Variants in CNTNAP2 observed in about 807,000 individuals in gnomAD.
CNTNAP2 encodes contactin-associated protein-like 2.
CNTNAP2 carries 98 observed loss-of-function variants against 155.2 expected under a neutral mutation model. The observed-to-expected ratio is 0.63, with a 90% CI of 0.54 to 0.75. CNTNAP2 has a LOEUF of 0.75. Among genes scored for constraint, CNTNAP2 ranks in the 30% least tolerant of loss-of-function variants. CNTNAP2 has a pLI of 0.00. For synonymous variants in CNTNAP2, 651 were observed against 631.2 expected, an observed-to-expected ratio of 1.03 and a Z score of -0.47; for missense variants, 1,727 against 1,688.1, an observed-to-expected ratio of 1.02 and a Z score of -0.40.
chr7:147,482,026 T>C (rs1416471347), intron 10 of CNTNAP2, among the ~76,000 whole-genome samples: 1 of 152,186 alleles, frequency 6.6e-6, no homozygotes, highest in Non-Finnish European at 1.5e-5. Context: ...GGTGTAACAT[T>C]CTAGCATTGC....
At chr7:148,252,123 T>C (rs1273819064) in intron 20 of CNTNAP2, among the ~76,000 whole-genome samples, 1 of 152,248 alleles carries the variant, frequency 6.6e-6, no homozygotes, top group Admixed American at 6.5e-5. Context: ...AATTTGGGAA[T>C]TGAATGTCAG....
At chr7:148,210,793 GT>G (rs1795534602) in intron 18 of CNTNAP2, among the ~76,000 whole-genome samples, 1 of 152,210 alleles carries the variant, frequency 6.6e-6, no homozygotes, top group South Asian at 2.1e-4. Context: ...GTCCAATGTT[GT>G]TAGTCCAAAA....
At chr7:146,711,304 T>TAC (rs1801067294) in intron 1 of CNTNAP2, among the ~76,000 whole-genome samples, 2 of 142,090 alleles carry the variant, frequency 1.4e-5, no homozygotes, top group South Asian at 2.1e-4. Context: ...TACATATATG[T>TAC]ATATATTATA....
intron 1 of CNTNAP2, among the ~76,000 whole-genome samples, chr7:146,617,618 C>A (rs1376846334): frequency 6.6e-6 from 1 of 152,082 alleles, no homozygotes; most frequent in Non-Finnish European, 1.5e-5. Context: ...TATTTCACAT[C>A]TAAAAGAACC....
At chr7:147,899,927 ATCCATTG>A (rs11278861) in intron 13 of CNTNAP2, among the ~76,000 whole-genome samples, 45,814 of 151,456 alleles carry the variant, frequency 0.3, 7,043 homozygotes, top group Middle Eastern at 0.42. Context: ...AGAAAGAGTC[ATCCATTG>A]TCAGGGTCTT....
At chr7:147,791,918 G>A (rs77216609) in intron 13 of CNTNAP2, among the ~76,000 whole-genome samples, 6,756 of 152,272 alleles carry the variant, frequency 0.044, 193 homozygotes, top group Non-Finnish European at 0.058. Flanking sequence ...CCACTGCTCC[G>A]TGTTGCCTGC....
chr7:147,929,092 C>CAAA (rs66584239), intron 14 of CNTNAP2, among the ~76,000 whole-genome samples: 3,251 of 34,590 alleles, frequency 0.094, 303 homozygotes, highest in South Asian at 0.14. Flanking sequence ...AACTCCATCC[C>CAAA]AAAAAAAAAA....
chr7:146,724,869 T>G (rs1026425266), intron 1 of CNTNAP2, among the ~76,000 whole-genome samples: 8 of 152,090 alleles, frequency 5.3e-5, no homozygotes, highest in African/African-American at 1.9e-4. Flanking sequence ...ATGCCTGGCC[T>G]AAATCTAAAC....
intron 10 of CNTNAP2, among the ~76,000 whole-genome samples, chr7:147,443,297 C>T (rs1382447664): frequency 6.6e-6 from 1 of 152,116 alleles, no homozygotes; most frequent in Non-Finnish European, 1.5e-5. Flanking sequence ...TCTGCTATAA[C>T]AGGACACCAC....
intron 3 of CNTNAP2, among the ~76,000 whole-genome samples, chr7:146,968,507 G>A (rs112808120): frequency 9.9e-5 from 15 of 151,912 alleles, no homozygotes; most frequent in Admixed American, 2.0e-4. Context: ...TGGTCTATTC[G>A]GAGATTCAAC....
intron 12 of CNTNAP2, among the ~76,000 whole-genome samples, chr7:147,627,740 G>A (rs73470939): frequency 0.066 from 9,846 of 148,434 alleles, 952 homozygotes; most frequent in African/African-American, 0.18. Context: ...TACAGGATAT[G>A]GATGAAAAAT....
At chr7:148,248,201 T>TA (rs1157966452) in intron 20 of CNTNAP2, among the ~76,000 whole-genome samples, 1 of 112,436 alleles carries the variant, frequency 8.9e-6, no homozygotes, top group Non-Finnish European at 2.0e-5. Context: ...ACCTGTTCTA[T>TA]AATTTTTTTT....
intron 1 of CNTNAP2, among the ~76,000 whole-genome samples, chr7:146,483,424 G>A (rs1797008778): frequency 6.7e-6 from 1 of 148,214 alleles, no homozygotes; most frequent in African/African-American, 2.5e-5. Context: ...TTAAATAAGT[G>A]AGGGTCAGAT....
intron 11 of CNTNAP2, among the ~76,000 whole-genome samples, chr7:147,501,860 A>G (rs373860415): frequency 1.3e-5 from 2 of 152,360 alleles, no homozygotes; most frequent in African/African-American, 4.8e-5. Context: ...AGAATTAACA[A>G]GCAAATTCAG....
chr7:146,945,420 G>A (rs1402503051), intron 3 of CNTNAP2, among the ~76,000 whole-genome samples: 3 of 152,140 alleles, frequency 2.0e-5, no homozygotes, highest in African/African-American at 4.8e-5. Flanking sequence ...CAATACTGAT[G>A]TTTAAGTATT....
intron 8 of CNTNAP2, among the ~76,000 whole-genome samples, chr7:147,196,276 A>G (rs1802798054): frequency 6.6e-6 from 1 of 152,128 alleles, no homozygotes; most frequent in Non-Finnish European, 1.5e-5. Context: ...GAAATTTCAT[A>G]TTTTCATTGA....
At chr7:147,265,494 C>A (rs1308688472) in intron 8 of CNTNAP2, among the ~76,000 whole-genome samples, 1 of 152,178 alleles carries the variant, frequency 6.6e-6, no homozygotes, top group Admixed American at 6.5e-5. Flanking sequence ...GGCTTAGGGA[C>A]CAAACTCTGA....
chr7:147,709,649 G>A (rs994625236), intron 13 of CNTNAP2, among the ~76,000 whole-genome samples: 2 of 152,058 alleles, frequency 1.3e-5, no homozygotes, highest in African/African-American at 2.4e-5. Flanking sequence ...GATACATACC[G>A]AGCAGCCTTG....
At chr7:146,796,338 A>G (rs774977559) in intron 2 of CNTNAP2, among the ~76,000 whole-genome samples, 8 of 152,190 alleles carry the variant, frequency 5.3e-5, no homozygotes, top group Non-Finnish European at 1.2e-4. Flanking sequence ...CGACCGTCAC[A>G]TCCATCTCCC....
Sources: allele counts gnomAD v4.1 joint callset (sites outside exome capture counted in the v4.1 genomes callset), GRCh38; gene constraint gnomAD v4.1.1; transcripts MANE v1.5; gene names NCBI Gene and HGNC (gene_info 2026-07-23, HGNC 2026-07-21).